Variants in ALDH1L1 observed in about 807,000 individuals in gnomAD.
The protein encoded by ALDH1L1 is cytosolic 10-formyltetrahydrofolate dehydrogenase.
In ALDH1L1, 68 loss-of-function variants were observed where a neutral mutation model predicts 101.1. The ratio of observed to expected loss-of-function variants is 0.67; its 90% CI spans 0.55 to 0.82. ALDH1L1 has a LOEUF of 0.82. Among genes scored for constraint, ALDH1L1 ranks in the 40% least tolerant of loss-of-function variants. The pLI, the probability that ALDH1L1 is intolerant of heterozygous loss-of-function variation, is 0.00. For missense variants in ALDH1L1, 1,087 were observed against 1,172.7 expected (o/e 0.93, Z 1.07); for synonymous variants, 486 against 470.8 (o/e 1.03, Z -0.42).
At chr3:126,194,959 C>A (rs2081574156) in intron 1 of ALDH1L1, among the ~76,000 whole-genome samples, 1 of 151,998 alleles carries the variant, frequency 6.6e-6, no homozygotes, top group Admixed American at 6.6e-5. Context: ...CATGCTTGGA[C>A]TTTCTGACTT....
chr3:126,158,755 C>T (rs2080973010), intron 2 of ALDH1L1, 116 bp from the exon 3 acceptor site: 1 of 957,042 alleles, frequency 1.0e-6, no homozygotes, highest in African/African-American at 1.6e-5. Context: ...CCCCCTCACC[C>T]ACACCCCAGC....
At chr3:126,191,144 G>T (rs1007804356) in intron 1 of ALDH1L1, among the ~76,000 whole-genome samples, 1 of 152,220 alleles carries the variant, frequency 6.6e-6, no homozygotes, top group Non-Finnish European at 1.5e-5. Flanking sequence ...ATCAGCCAGA[G>T]GTAGCAGAGT....
intron 9 of ALDH1L1, 132 bp from the exon 10 acceptor site, chr3:126,138,092 G>C (rs913734866): frequency 8.7e-7 from 1 of 1,152,828 alleles, no homozygotes; most frequent in South Asian, 1.6e-5. Context: ...CATGAGCCCA[G>C]AACTGGGGAG....
At chr3:126,151,449 T>G (rs1208370541) in intron 7 of ALDH1L1, 1 of 152,240 alleles carries the variant, frequency 6.6e-6, no homozygotes, top group Non-Finnish European at 1.5e-5. Flanking sequence ...GCCCCCATTG[T>G]AGCTCATGAC....
intron 16 of ALDH1L1, among the ~76,000 whole-genome samples, chr3:126,120,399 C>T (rs890664545): frequency 6.6e-6 from 1 of 152,178 alleles, no homozygotes; most frequent in Non-Finnish European, 1.5e-5. Flanking sequence ...ATTGCAATTA[C>T]ATGACATTCT....
At chr3:126,149,858 G>T (rs781700605) in intron 8 of ALDH1L1, among the ~76,000 whole-genome samples, 5 of 152,218 alleles carry the variant, frequency 3.3e-5, no homozygotes, top group Admixed American at 3.3e-4. Flanking sequence ...AGGGAAGAAG[G>T]ATACAGTGGG....
chr3:126,163,470 A>C lies in ALDH1L1; in HGVS notation c.-23-2468T>G, dbSNP rs535196581. Among the ~76,000 whole-genome samples the C allele has an allele frequency of 1.2e-3, 188 of 152,326 alleles. 1 individual carries two copies. Among genetic ancestry groups the C allele is most frequent in the African/African-American group, 4.4e-3 (183 of 41,572 alleles). On this transcript the variant is annotated intron_variant, in intron 1 of 22. Transcript: ENST00000393434. ...AGCACTTGCCAATATATCCACTACAATATTGAATACAGATGGTGATAGTAG... is the reference window on the plus strand; with the variant it reads ...AGCACTTGCCAATATATCCACTACACTATTGAATACAGATGGTGATAGTAG...
chr3:126,119,005 C>T (rs772737869), intron 16 of ALDH1L1, among the ~76,000 whole-genome samples: 2 of 152,174 alleles, frequency 1.3e-5, no homozygotes, highest in Admixed American at 6.5e-5. Context: ...AGCGTAGCTC[C>T]CCACTTAAGC....
chr3:126,118,159 C>T (rs1484394144), intron 16 of ALDH1L1, 61 bp from the exon 17 acceptor site: 1 of 1,392,950 alleles, frequency 7.2e-7, no homozygotes, highest in Admixed American at 1.8e-5. Context: ...AGGCAGGAGC[C>T]CACCTCCAGG....
chr3:126,193,785 C>T (rs1027456666), intron 1 of ALDH1L1, among the ~76,000 whole-genome samples: 1 of 152,170 alleles, frequency 6.6e-6, no homozygotes, highest in African/African-American at 2.4e-5. Context: ...AATTGTATAA[C>T]TAAAAAATTT....
intron 12 of ALDH1L1, 119 bp from the exon 13 acceptor site, chr3:126,131,653 C>T (rs2305226): frequency 0.62 from 729,609 of 1,174,958 alleles, 228,399 homozygotes; most frequent in Middle Eastern, 0.66. Context: ...CTGCCACTCT[C>T]AGATGTGCGG....
intron 16 of ALDH1L1, among the ~76,000 whole-genome samples, chr3:126,123,255 CTCTT>C (rs770550475): frequency 9.6e-6 from 1 of 103,994 alleles, no homozygotes; most frequent in Non-Finnish European, 1.9e-5. Context: ...ATCACCAAAA[CTCTT>C]TTTTTTTTTT....
At chr3:126,138,147 C>T (rs2080491168) in intron 9 of ALDH1L1, among the ~76,000 whole-genome samples, 187 bp from the exon 10 acceptor site, 3 of 152,118 alleles carry the variant, frequency 2.0e-5, no homozygotes, top group Admixed American at 6.6e-5. Context: ...TCCAAATTCT[C>T]GCTCCATTAC....
chr3:126,165,881 T>A (rs1355891265), intron 1 of ALDH1L1, among the ~76,000 whole-genome samples: 1 of 152,216 alleles, frequency 6.6e-6, no homozygotes, highest in Non-Finnish European at 1.5e-5. Context: ...AACCAACTCT[T>A]GATTTCATTG....
intron 3 of ALDH1L1, 137 bp downstream of exon 3, chr3:126,158,268 T>C (rs2080957893): frequency 1.3e-6 from 1 of 783,182 alleles, no homozygotes; most frequent in Non-Finnish European, 2.0e-6. Flanking sequence ...GGCTGACATC[T>C]GGCAGCCACA....
At chr3:126,106,449 G>A (rs1238199097) in intron 21 of ALDH1L1, among the ~76,000 whole-genome samples, 2 of 152,236 alleles carry the variant, frequency 1.3e-5, no homozygotes, top group Non-Finnish European at 2.9e-5. Context: ...GGGCAGGCCT[G>A]AGAAGTGACA....
chr3:126,135,560 G>A lies in ALDH1L1; in HGVS notation c.1447C>T (p.Arg483Trp), dbSNP rs747287426. 6.8e-6 allele frequency: 11 copies of A among 1,607,240 alleles called. No homozygotes were observed. Among genetic ancestry groups the A allele is most frequent in the East Asian group, 2.3e-5 (1 of 44,184 alleles). ...CTGTACATCAGCCGGCCCCGGTCCC[G>A]CGCACTGATCTTCCCCCACCGTCCA... ...ENGRWGKISA[R>W]DRGRLMYRLA... Residue 483 changes from arginine (R) to tryptophan (W), a missense_variant, in exon 12 of 23, where the codon CGG becomes TGG. Around this residue, in one of 2 missense-constraint regions of ALDH1L1, gnomAD observed 645 missense variants for 637.0 expected, o/e 1.01. Transcript: ENST00000393434.
chr3:126,180,847 C>G, upstream of ALDH1L1: 3 of 1,552,102 alleles, frequency 1.9e-6, no homozygotes, highest in Non-Finnish European at 2.6e-6. Context: ...CCCAAGCACC[C>G]AGCAGGGCTG....
upstream of ALDH1L1, chr3:126,181,431 C>T: frequency 4.0e-6 from 1 of 247,806 alleles, no homozygotes; most frequent in South Asian, 5.7e-5. Flanking sequence ...TGCTCAGTGC[C>T]TGAACACATC....
Sources: gnomAD v4.1 joint callset for allele counts (sites outside exome capture counted in the v4.1 genomes callset) on GRCh38, gnomAD v4.1.1 for gene constraint, gnomAD v4.1.1 regional missense constraint, MANE v1.5 for transcripts, NCBI Gene and HGNC (gene_info 2026-07-23, HGNC 2026-07-21) for gene names.